PLXND1: variants seen among roughly 807,000 people sequenced by gnomAD.
PLXND1 encodes plexin-D1.
PLXND1 carries 54 observed loss-of-function variants against 197.7 expected under a neutral mutation model. That is an observed-to-expected ratio of 0.27 (90% CI 0.22 to 0.34). The LOEUF is 0.34. PLXND1 is among the 10% of genes least tolerant of loss of function. PLXND1 has a pLI of 1.00. For synonymous variants in PLXND1, 1,180 were observed against 1,161.2 expected (o/e 1.02, Z -0.33); for missense variants, 2,127 against 2,699.2 (o/e 0.79, Z 4.70).
intron 13 of PLXND1, 29 bp from the exon 14 acceptor site, chr3:129,572,970 G>T: frequency 6.4e-7 from 1 of 1,559,992 alleles, no homozygotes; most frequent in Non-Finnish European, 8.8e-7. Flanking sequence ...GTCAGCCAGC[G>T]GTCCTTGGCC....
intron 32 of PLXND1, chr3:129,559,393 T>C: frequency 4.2e-6 from 2 of 481,498 alleles, no homozygotes; most frequent in East Asian, 3.4e-5. Flanking sequence ...ACCATGCTTC[T>C]GGGCACTCTT....
At chr3:129,570,569 C>T in intron 19 of PLXND1, 1 of 591,334 alleles carries the variant, frequency 1.7e-6, no homozygotes, top group South Asian at 2.0e-5. Context: ...GGTCCAGGTC[C>T]AGATGGGGCC....
chr3:129,583,546 G>A lies in PLXND1; in HGVS notation c.2241+21C>T, dbSNP rs752067457. On this transcript the variant is annotated intron_variant, in intron 8 of 35. Coordinates refer to ENST00000324093, the MANE Select transcript of PLXND1 (RefSeq NM_015103.3). ...AGGTAATGAAACAGCAGAGGCGGAG[G>A]GGCCCCCTAGCCTGGCTTACCGTGG... 25 of 1,537,452 alleles carry A rather than the reference G, an allele frequency of 1.6e-5. No homozygotes were observed. The East Asian group carries it at 5.0e-4, about 31-fold the overall frequency.
intron 8 of PLXND1, among the ~76,000 whole-genome samples, chr3:129,580,011 T>C (rs191848857): frequency 6.6e-6 from 1 of 152,264 alleles, no homozygotes; most frequent in Non-Finnish European, 1.5e-5. Flanking sequence ...CTGAGCACTT[T>C]GCACTCTTTT....
At position 129,585,470 on chromosome 3, in the gene PLXND1, T is replaced by C. The variant is rs139020002; in HGVS notation, c.1851+482A>G. Reference sequence around the variant, plus strand: ...CAGCCCCCTGCATTGCAGGTTTATCTGTTTCTGAGAAGGAGAAATTTCAGT... The same window carrying C: ...CAGCCCCCTGCATTGCAGGTTTATCCGTTTCTGAGAAGGAGAAATTTCAGT... On this transcript the variant is annotated intron_variant, in intron 5 of 35. Transcript: ENST00000324093. 3.1e-4 allele frequency among the ~76,000 whole-genome samples: 47 copies of C among 152,330 alleles called. 1 individual carries two copies. The East Asian group carries it at 8.7e-3, about 28-fold the overall frequency.
Position 129,558,647 on chromosome 3 carries a change from AG to A in PLXND1, c.5298-73del. ...AGCAGTCGAGGGACAGTTGTGGAGG[AG>A]AGAGCTGGCTTTGTCCCTCAAGGGC... is the stretch of plus-strand genomic sequence containing the variant. On this transcript the variant is annotated intron_variant, in intron 32 of 35. Transcript: ENST00000324093. This position sits in a 1 kb window ranked among gnomAD's most constrained non-coding sequence, Gnocchi z 4.1. 1 of 1,470,118 alleles carries A rather than the reference AG, an allele frequency of 6.8e-7. No individual in the cohort carries two copies. The highest frequency in any genetic ancestry group is 1.8e-4 in the Middle Eastern group (1 of 5,658). 91.1% of individuals were successfully genotyped at this position (1,470,118 alleles called of 1,614,324 possible).
At chr3:129,574,299 A>G in intron 12 of PLXND1, 37 bp downstream of exon 12, 1 of 1,546,420 alleles carries the variant, frequency 6.5e-7, no homozygotes, top group Non-Finnish European at 8.7e-7. Flanking sequence ...GCCGTGCCGG[A>G]GTGCGGGTGC....
chr3:129,589,307 G>GCCGGGCGCCCGCCC, intron 2 of PLXND1, 44 bp downstream of exon 2: 1 of 684,692 alleles, frequency 1.5e-6, no homozygotes. Flanking sequence ...TCCCAGGGGA[G>GCCGGGCGCCCGCCC]CCTCCCACCC....
rs1052503185 is a variant in PLXND1 at position 129,570,896 on chromosome 3, G to A, written c.3640C>T (p.Arg1214Trp). Residue 1214 changes from arginine to tryptophan, a missense_variant, in exon 19 of 36, where the codon CGG becomes TGG. Physicochemically the swap from Arg to Trp is moderately radical, Grantham distance 101. Coordinates refer to ENST00000324093, the MANE Select transcript of PLXND1 (RefSeq NM_015103.3). ...DSLGLQSHEY[R>W]VKIGQVSCDI... ...CAGCTTACTTGGCCTATCTTGACCC[G>A]GTACTCGTGACTCTGGAGCCCCAGG... The A allele has an allele frequency of 5.6e-6, 9 of 1,614,172 alleles. No homozygotes were observed. Among genetic ancestry groups the A allele is most frequent in the Middle Eastern group, 1.6e-4 (1 of 6,062 alleles).
At chr3:129,580,685 T>G (rs1442698053) in intron 8 of PLXND1, among the ~76,000 whole-genome samples, 1 of 151,914 alleles carries the variant, frequency 6.6e-6, no homozygotes, top group Non-Finnish European at 1.5e-5. Flanking sequence ...TCACCCCCAT[T>G]CTAGAGAACC....
intron 25 of PLXND1, among the ~76,000 whole-genome samples, chr3:129,563,989 T>C (rs574875241): frequency 6.6e-6 from 1 of 152,382 alleles, no homozygotes; most frequent in African/African-American, 2.4e-5. Context: ...TGGGAGGCAC[T>C]GATTCCCTGC....
At chr3:129,585,881 G>A (rs545639251) in intron 5 of PLXND1, 71 bp downstream of exon 5, 43 of 1,597,252 alleles carry the variant, frequency 2.7e-5, no homozygotes, top group African/African-American at 6.7e-5. Flanking sequence ...TCCACCTCTC[G>A]GGGCCTGGGT....
chr3:129,586,823 T>A, intron 2 of PLXND1, 104 bp from the exon 3 acceptor site: 2 of 1,351,988 alleles, frequency 1.5e-6, no homozygotes, highest in Non-Finnish European at 2.0e-6. Context: ...CCCCATCCTG[T>A]CTTGGACCCT....
At chr3:129,576,047 C>T (rs2085309659) in intron 9 of PLXND1, among the ~76,000 whole-genome samples, 192 bp from the exon 10 acceptor site, 1 of 152,236 alleles carries the variant, frequency 6.6e-6, no homozygotes, top group African/African-American at 2.4e-5. Context: ...TTGAGGGAGG[C>T]AAGCAGTGCA....
chr3:129,593,663 T>C (rs1005923184), intron 1 of PLXND1, among the ~76,000 whole-genome samples: 1 of 152,238 alleles, frequency 6.6e-6, no homozygotes, highest in African/African-American at 2.4e-5. Flanking sequence ...CTGCTTTCTC[T>C]CTAAGTCGAG....
chr3:129,569,144 G>A (rs537551421), intron 20 of PLXND1: 3 of 152,274 alleles, frequency 2.0e-5, no homozygotes, highest in Admixed American at 6.5e-5. Flanking sequence ...TCCTTCTTAC[G>A]GATAAATAAT....
chr3:129,580,520 C>T (rs2085372248), intron 8 of PLXND1, among the ~76,000 whole-genome samples: 1 of 152,104 alleles, frequency 6.6e-6, no homozygotes, highest in Admixed American at 6.5e-5. Flanking sequence ...TGGCCCCAGC[C>T]CACCCGGTGG....
Position 129,560,702 on chromosome 3 carries a change from TTC to T in PLXND1, c.5013_5014del (p.Lys1672ValfsTer48), listed in dbSNP as rs1488087641. The T allele has an allele frequency of 1.2e-6, 2 of 1,603,960 alleles. No homozygotes were observed. Among genetic ancestry groups the T allele is most frequent in the Non-Finnish European group, 1.7e-6 (2 of 1,170,994 alleles). ...TTGGGCACTCACCAAATGGAAATACTTCTCTGTGTCCAAGTCTTTCACTGTGA... is the reference window on the plus strand; with the variant it reads ...TTGGGCACTCACCAAATGGAAATACTTCTGTGTCCAAGTCTTTCACTGTGA... On this transcript the variant is annotated frameshift_variant, in exon 30 of 36. Coordinates refer to ENST00000324093, the MANE Select transcript of PLXND1 (RefSeq NM_015103.3). LOFTEE classifies it high-confidence loss of function.
In PLXND1 at chr3:129,586,672, A is replaced by C. The variant is rs754113840; in HGVS notation, c.1536T>G (p.Thr512=). The C allele has an allele frequency of 1.3e-6, 2 of 1,591,748 alleles. No individual in the cohort carries two copies. Among genetic ancestry groups the C allele is most frequent in the Non-Finnish European group, 8.6e-7 (1 of 1,168,594 alleles). ...SMQVVSRRVV[T]VAYGEPVHHV... is the part of the protein sequence containing the mutation. ...GGTGCACGGGCTCCCCATAGGCCACAGTCACCACCCGCCTGCTCACCACCT... is the reference window on the plus strand; with the variant it reads ...GGTGCACGGGCTCCCCATAGGCCACCGTCACCACCCGCCTGCTCACCACCT... The change falls in exon 3 of 36, where the codon ACT becomes ACG. Residue 512 remains threonine (T), a synonymous_variant. Transcript: ENST00000324093.
Sources: gnomAD v4.1 joint callset for allele counts (sites outside exome capture counted in the v4.1 genomes callset) on GRCh38, gnomAD v4.1.1 for gene constraint, Gnocchi (gnomAD v3.1) non-coding constraint, MANE v1.5 for transcripts, NCBI Gene and HGNC (gene_info 2026-07-23, HGNC 2026-07-21) for gene names.